Variants in ADARB2 observed in about 807,000 individuals in gnomAD.
ADARB2 encodes the protein adenosine deaminase RNA specific B2 (inactive).
ADARB2 carries 25 observed loss-of-function variants against 62.2 expected under a neutral mutation model. The observed-to-expected ratio is 0.40, with a 90% confidence interval of 0.29 to 0.56. The LOEUF is 0.56. Among genes scored for constraint, ADARB2 ranks in the 20% least tolerant of loss-of-function variants. ADARB2 has a pLI of 0.43. For missense variants in ADARB2, 1,071 were observed against 1,077.4 expected, an observed-to-expected ratio of 0.99 and a Z score of 0.08; for synonymous variants, 572 against 500.8, an observed-to-expected ratio of 1.14 and a Z score of -1.90.
chr10:1,193,289 C>T (rs958847429), intron 8 of ADARB2, among the ~76,000 whole-genome samples: 8 of 152,118 alleles, frequency 5.3e-5, no homozygotes, highest in African/African-American at 1.4e-4. Flanking sequence ...CAGGTTCCCC[C>T]GAGGTTAAAG....
At chr10:1,234,988 C>G (rs1830850901) in intron 5 of ADARB2, among the ~76,000 whole-genome samples, 2 of 152,204 alleles carry the variant, frequency 1.3e-5, no homozygotes, top group Non-Finnish European at 1.5e-5. Flanking sequence ...TTCAGGTGAT[C>G]CACCCGCCTT....
intron 1 of ADARB2, among the ~76,000 whole-genome samples, chr10:1,482,621 G>A (rs981919276): frequency 5.9e-5 from 9 of 152,188 alleles, no homozygotes; most frequent in Admixed American, 5.9e-4. Context: ...CTGAGAAGGT[G>A]CTTAACATGA....
chr10:1,382,159 A>C (rs1451663142), intron 1 of ADARB2, among the ~76,000 whole-genome samples: 1 of 152,086 alleles, frequency 6.6e-6, no homozygotes, highest in Non-Finnish European at 1.5e-5. Flanking sequence ...AAATATGGAA[A>C]AAACAATGGC....
intron 6 of ADARB2, among the ~76,000 whole-genome samples, chr10:1,224,595 G>C (rs186991946): frequency 6.6e-6 from 1 of 151,986 alleles, no homozygotes; most frequent in African/African-American, 2.4e-5. Flanking sequence ...ACACTGCTTC[G>C]AATGTGTCCC....
intron 4 of ADARB2, among the ~76,000 whole-genome samples, chr10:1,263,811 CAG>C (rs1236147065): frequency 6.6e-6 from 1 of 152,000 alleles, no homozygotes; most frequent in Non-Finnish European, 1.5e-5. Flanking sequence ...TGAATTATTC[CAG>C]GCTAAACTAT....
chr10:1,534,359 A>T (rs1376303473), intron 1 of ADARB2, among the ~76,000 whole-genome samples: 2 of 152,060 alleles, frequency 1.3e-5, no homozygotes, highest in African/African-American at 4.8e-5. Context: ...GCTTGTCTTG[A>T]CCTCCTGACC....
intron 8 of ADARB2, among the ~76,000 whole-genome samples, chr10:1,197,763 G>A (rs1221369231): frequency 6.6e-6 from 1 of 152,186 alleles, no homozygotes; most frequent in African/African-American, 2.4e-5. Context: ...TTAACATGCT[G>A]TTAACACAAA....
At chr10:1,413,934 A>C (rs1406283512) in intron 1 of ADARB2, among the ~76,000 whole-genome samples, 1 of 152,214 alleles carries the variant, frequency 6.6e-6, no homozygotes, top group South Asian at 2.1e-4. Context: ...TTGCAATTGC[A>C]GGTCTCACGG....
chr10:1,371,918 TAAGAA>T, intron 2 of ADARB2, among the ~76,000 whole-genome samples: 1 of 151,742 alleles, frequency 6.6e-6, no homozygotes, highest in East Asian at 1.9e-4. Flanking sequence ...CTTAAGGAAC[TAAGAA>T]TAGAACCACC....
intron 1 of ADARB2, among the ~76,000 whole-genome samples, chr10:1,679,510 A>G (rs1834508570): frequency 6.6e-6 from 1 of 152,098 alleles, no homozygotes. Context: ...CGAATGGCTG[A>G]TTTCAGTCAA....
At chr10:1,437,348 T>A (rs1830845199) in intron 1 of ADARB2, among the ~76,000 whole-genome samples, 1 of 152,216 alleles carries the variant, frequency 6.6e-6, no homozygotes, top group Admixed American at 6.5e-5. Flanking sequence ...TTGTAGCTTA[T>A]TATGTCGTTT....
intron 1 of ADARB2, among the ~76,000 whole-genome samples, chr10:1,464,739 A>G (rs1351079678): frequency 2.4e-5 from 3 of 124,624 alleles, no homozygotes; most frequent in Non-Finnish European, 3.5e-5. Flanking sequence ...ACACTCCCCC[A>G]CACACGCGCT....
At chr10:1,534,662 C>A in intron 1 of ADARB2, 1 of 156,106 alleles carries the variant, frequency 6.4e-6, no homozygotes. Flanking sequence ...CCGGATGCTG[C>A]TACCAATGCC....
intron 3 of ADARB2, among the ~76,000 whole-genome samples, chr10:1,278,483 C>G (rs1002090111): frequency 1.3e-5 from 2 of 150,700 alleles, no homozygotes; most frequent in Non-Finnish European, 3.0e-5. Context: ...TGTGAGTACT[C>G]TTATGTTTAT....
At chr10:1,298,523 T>C (rs1831543935) in intron 3 of ADARB2, among the ~76,000 whole-genome samples, 1 of 152,092 alleles carries the variant, frequency 6.6e-6, no homozygotes, top group Admixed American at 6.6e-5. Context: ...AAATTCACCT[T>C]GAGGGAGCCC....
At chr10:1,198,083 T>G (rs1836934857) in intron 8 of ADARB2, among the ~76,000 whole-genome samples, 1 of 152,242 alleles carries the variant, frequency 6.6e-6, no homozygotes, top group Non-Finnish European at 1.5e-5. Context: ...TGAGACATCC[T>G]CGAAATGGGC....
chr10:1,608,834 A>AAGTCTGGGAGGGAGGGG (rs1833530324), intron 1 of ADARB2, among the ~76,000 whole-genome samples: 2 of 139,182 alleles, frequency 1.4e-5, no homozygotes, highest in South Asian at 4.8e-4. Flanking sequence ...GGAGAGAAGG[A>AAGTCTGGGAGGGAGGGG]AGTCTGGGAG....
intron 1 of ADARB2, among the ~76,000 whole-genome samples, chr10:1,588,893 C>T (rs1006403917): frequency 2.6e-5 from 4 of 152,200 alleles, no homozygotes; most frequent in Non-Finnish European, 4.4e-5. Context: ...TTGGAGGAGT[C>T]GGCTTGAGGC....
chr10:1,435,787 G>C (rs1830829284), intron 1 of ADARB2, among the ~76,000 whole-genome samples: 1 of 152,228 alleles, frequency 6.6e-6, no homozygotes, highest in Non-Finnish European at 1.5e-5. Context: ...AGGCTGGAAG[G>C]ATGTGGCCTC....
Sources: allele counts gnomAD v4.1 joint callset (sites outside exome capture counted in the v4.1 genomes callset), GRCh38; gene constraint gnomAD v4.1.1; transcripts MANE v1.5; gene names NCBI Gene and HGNC (gene_info 2026-07-23, HGNC 2026-07-21).